GRAMD1B: variants seen among roughly 807,000 people sequenced by gnomAD.
GRAMD1B encodes the protein protein Aster-B.
GRAMD1B carries 37 observed loss-of-function variants against 99.7 expected under a neutral mutation model. The observed-to-expected ratio is 0.37, with a 90% CI of 0.29 to 0.49. The LOEUF is 0.49. Among genes scored for constraint, GRAMD1B ranks in the 20% least tolerant of loss-of-function variants. The pLI is 0.98. For synonymous variants in GRAMD1B, 427 were observed against 387.6 expected (o/e 1.10, Z -1.19); for missense variants, 888 against 1,009.2 (o/e 0.88, Z 1.63).
intron 1 of GRAMD1B, among the ~76,000 whole-genome samples, chr11:123,471,840 C>T (rs929617439): frequency 3.3e-5 from 5 of 152,082 alleles, no homozygotes; most frequent in African/African-American, 4.8e-5. Flanking sequence ...GTTCATACTC[C>T]GACTTCATAC....
intron 2 of GRAMD1B, among the ~76,000 whole-genome samples, chr11:123,494,494 G>A (rs1938990859): frequency 6.6e-6 from 1 of 150,826 alleles, no homozygotes; most frequent in Non-Finnish European, 1.5e-5. Flanking sequence ...GAGTGCTCCT[G>A]TCTTGCTCCT....
At chr11:123,620,117 A>T (rs1954927694) in intron 19 of GRAMD1B, among the ~76,000 whole-genome samples, 1 of 152,182 alleles carries the variant, frequency 6.6e-6, no homozygotes, top group South Asian at 2.1e-4. Context: ...ATTTGATGCC[A>T]TGTGGGCGGT....
chr11:123,603,169 C>T (rs1376104643), intron 8 of GRAMD1B, among the ~76,000 whole-genome samples: 5 of 152,198 alleles, frequency 3.3e-5, no homozygotes, highest in African/African-American at 7.2e-5. Context: ...CAGTTGGTCA[C>T]GTTCTACAAA....
rs142876993 is a variant in GRAMD1B at position 123,596,760 on chromosome 11, T to C, written c.969+723T>C. ...TTTAAGTAGATTATTAAAAAACAAT[T>C]GAAGGCCTGAGTGTTGAGAGGCAAA... On this transcript the variant is annotated intron_variant, in intron 7 of 19. Transcript: ENST00000635736. Among the ~76,000 whole-genome samples the C allele has an allele frequency of 4.1e-3, 627 of 152,368 alleles. 4 individuals are homozygous for C. The highest frequency in any genetic ancestry group is 0.014 in the South Asian group (68 of 4,826).
intron 1 of GRAMD1B, among the ~76,000 whole-genome samples, chr11:123,366,889 T>C (rs765195244): frequency 1.4e-4 from 22 of 152,194 alleles, no homozygotes; most frequent in African/African-American, 4.3e-4. Context: ...CTTTATATTA[T>C]TACAACAAAC....
chr11:123,422,927 G>A (rs755369814), intron 1 of GRAMD1B, among the ~76,000 whole-genome samples: 7 of 119,610 alleles, frequency 5.9e-5, no homozygotes, highest in Non-Finnish European at 1.0e-4. Context: ...TTCTTGGACT[G>A]GTTTTCTGCT....
intron 3 of GRAMD1B, among the ~76,000 whole-genome samples, chr11:123,579,675 C>T (rs1592107169): frequency 6.6e-6 from 1 of 152,176 alleles, no homozygotes; most frequent in East Asian, 1.9e-4. Context: ...GTGGATATGG[C>T]CTGACAGGGG....
intron 1 of GRAMD1B, among the ~76,000 whole-genome samples, chr11:123,411,180 A>G (rs1948037614): frequency 6.6e-6 from 1 of 151,428 alleles, no homozygotes; most frequent in Non-Finnish European, 1.5e-5. Flanking sequence ...AATTTTTTGT[A>G]TATTTAGTAG....
intron 11 of GRAMD1B, among the ~76,000 whole-genome samples, chr11:123,607,256 G>A (rs1438869143): frequency 6.6e-6 from 1 of 152,202 alleles, no homozygotes; most frequent in Admixed American, 6.5e-5. Context: ...GTCAAATAGG[G>A]TTTGGAGACT....
chr11:123,559,162 G>A lies in GRAMD1B; in HGVS notation c.453-18205G>A, dbSNP rs774066184. On this transcript the variant is annotated intron_variant, in intron 2 of 19. Transcript: ENST00000635736. ...GTTTGTTAGAAAGGCTGACTTTTGGGTGGTCCCCTAGACCTGCTCTATCAG... is the reference window on the plus strand; with the variant it reads ...GTTTGTTAGAAAGGCTGACTTTTGGATGGTCCCCTAGACCTGCTCTATCAG... Among the ~76,000 whole-genome samples the A allele has an allele frequency of 2.9e-4, 44 of 152,186 alleles. 2 individuals are homozygous for A. Among genetic ancestry groups the A allele is most frequent in the Middle Eastern group, 6.3e-3 (2 of 316 alleles).
chr11:123,406,553 A>T (rs1947864289), intron 1 of GRAMD1B, among the ~76,000 whole-genome samples: 1 of 152,046 alleles, frequency 6.6e-6, no homozygotes, highest in Non-Finnish European at 1.5e-5. Flanking sequence ...TGCCGGGCCC[A>T]TTGTTGTTTT....
chr11:123,453,966 G>T (rs190766571), intron 1 of GRAMD1B, among the ~76,000 whole-genome samples: 1 of 152,200 alleles, frequency 6.6e-6, no homozygotes, highest in Admixed American at 6.5e-5. Flanking sequence ...GTAAAATCCC[G>T]TTGATAATGG....
At chr11:123,589,614 T>TTA (rs71060517) in intron 4 of GRAMD1B, among the ~76,000 whole-genome samples, 5,586 of 128,180 alleles carry the variant, frequency 0.044, 157 homozygotes, top group Non-Finnish European at 0.056. Flanking sequence ...TGGCTAATTT[T>TTA]TATATATATA....
At chr11:123,451,396 G>A (rs1949881200) in intron 1 of GRAMD1B, among the ~76,000 whole-genome samples, 1 of 152,182 alleles carries the variant, frequency 6.6e-6, no homozygotes, top group Non-Finnish European at 1.5e-5. Context: ...ATACAGCTAA[G>A]TAATGCTAGA....
At chr11:123,579,290 G>A (rs1949074286) in intron 3 of GRAMD1B, among the ~76,000 whole-genome samples, 1 of 152,216 alleles carries the variant, frequency 6.6e-6, no homozygotes, top group Non-Finnish European at 1.5e-5. Context: ...AGCCGAGGAT[G>A]ACTTAATAAT....
At chr11:123,552,350 G>A (rs1377460373) in intron 2 of GRAMD1B, among the ~76,000 whole-genome samples, 1 of 146,514 alleles carries the variant, frequency 6.8e-6, no homozygotes, top group Non-Finnish European at 1.5e-5. Flanking sequence ...GGAGTGTAGT[G>A]GCAGAATCTC....
chr11:123,553,139 T>G (rs1025294493), intron 2 of GRAMD1B, among the ~76,000 whole-genome samples: 1 of 152,224 alleles, frequency 6.6e-6, no homozygotes, highest in African/African-American at 2.4e-5. Context: ...CTCAGATGAT[T>G]CTGAAGTGCA....
intron 1 of GRAMD1B, among the ~76,000 whole-genome samples, chr11:123,452,792 T>C (rs1949946250): frequency 6.6e-6 from 1 of 152,254 alleles, no homozygotes; most frequent in South Asian, 2.1e-4. Flanking sequence ...TAGGGAATTC[T>C]GGCCATGGCC....
chr11:123,423,090 A>G (rs1948511099), intron 1 of GRAMD1B, among the ~76,000 whole-genome samples: 1 of 152,138 alleles, frequency 6.6e-6, no homozygotes, highest in South Asian at 2.1e-4. Flanking sequence ...GAGTCTGGGA[A>G]GATTAAATAC....
Sources: gnomAD v4.1 joint callset for allele counts (sites outside exome capture counted in the v4.1 genomes callset) on GRCh38, gnomAD v4.1.1 for gene constraint, MANE v1.5 for transcripts, NCBI Gene and HGNC (gene_info 2026-07-23, HGNC 2026-07-21) for gene names.